ADGRV1: variants seen among roughly 807,000 people sequenced by gnomAD.
The protein encoded by ADGRV1 is G-protein coupled receptor 98.
In ADGRV1, 359 loss-of-function variants were observed where a neutral mutation model predicts 596.2. That is an observed-to-expected ratio of 0.60 (90% CI 0.55 to 0.66). ADGRV1 has a LOEUF of 0.66. ADGRV1 is among the 30% of genes least tolerant of loss of function. ADGRV1 has a pLI of 0.00. For synonymous variants in ADGRV1, 2,681 were observed against 2,679.2 expected, an observed-to-expected ratio of 1.00 and a Z score of -0.02; for missense variants, 7,274 against 7,575.6, an observed-to-expected ratio of 0.96 and a Z score of 1.48.
At chr5:91,146,327 T>C (rs1265341477) in intron 87 of ADGRV1, among the ~76,000 whole-genome samples, 1 of 152,180 alleles carries the variant, frequency 6.6e-6, no homozygotes, top group East Asian at 1.9e-4. Flanking sequence ...AGATCCTTTG[T>C]AGAGACCATG....
chr5:90,633,590 T>A (rs896513410), intron 9 of ADGRV1, among the ~76,000 whole-genome samples: 1 of 151,948 alleles, frequency 6.6e-6, no homozygotes, highest in Non-Finnish European at 1.5e-5. Context: ...TTTATTTAAC[T>A]TTGTGCTATT....
chr5:90,976,300 G>A (rs57063936), intron 84 of ADGRV1, among the ~76,000 whole-genome samples: 30,178 of 85,342 alleles, frequency 0.35, 4,533 homozygotes, highest in African/African-American at 0.55. Context: ...GTGTGTATAT[G>A]TGTGTGTGTG....
intron 89 of ADGRV1, among the ~76,000 whole-genome samples, chr5:91,158,849 GTGGA>G (rs35809247): frequency 0.67 from 98,444 of 145,994 alleles, 34,377 homozygotes; most frequent in Admixed American, 0.78. Context: ...ACATGGATGG[GTGGA>G]TGGATGGATG....
intron 17 of ADGRV1, among the ~76,000 whole-genome samples, chr5:90,648,583 C>G (rs1007768032): frequency 1.3e-5 from 2 of 152,150 alleles, no homozygotes; most frequent in Non-Finnish European, 2.9e-5. Flanking sequence ...CACCTTGTGC[C>G]TTTTGGACTG....
intron 85 of ADGRV1, among the ~76,000 whole-genome samples, chr5:91,034,369 C>G (rs543567168): frequency 1.3e-5 from 2 of 152,130 alleles, no homozygotes; most frequent in Non-Finnish European, 2.9e-5. Flanking sequence ...AACAAAGTTT[C>G]CTTAAAATTT....
intron 86 of ADGRV1, among the ~76,000 whole-genome samples, chr5:91,096,388 A>T (rs1279979264): frequency 6.6e-6 from 1 of 152,198 alleles, no homozygotes; most frequent in African/African-American, 2.4e-5. Flanking sequence ...AAATAAAGAG[A>T]TGTGATGTAA....
rs1400485108 is a variant in ADGRV1 at position 91,061,713 on chromosome 5, C to T, written c.18153-10734C>T. Among the ~76,000 whole-genome samples, 5 of 152,244 alleles carry T rather than the reference C, an allele frequency of 3.3e-5. No homozygotes were observed. The East Asian group carries it at 9.7e-4, about 29-fold the overall frequency. ...CATTTTAAGCACTTAAAAATGAGCCCAATTCTTGTTCCTTGGTCCTTTGGC... is the reference window on the plus strand; with the variant it reads ...CATTTTAAGCACTTAAAAATGAGCCTAATTCTTGTTCCTTGGTCCTTTGGC... On this transcript the variant is annotated intron_variant, in intron 85 of 89. Coordinates refer to ENST00000405460, the MANE Select transcript of ADGRV1 (RefSeq NM_032119.4).
chr5:91,010,829 G>A (rs1782664210), intron 85 of ADGRV1, among the ~76,000 whole-genome samples: 1 of 151,738 alleles, frequency 6.6e-6, no homozygotes, highest in African/African-American at 2.4e-5. Flanking sequence ...TATTTTCTTA[G>A]TGCTGTGTGC....
chr5:90,727,892 A>G (rs186415321), intron 48 of ADGRV1, among the ~76,000 whole-genome samples: 1 of 152,260 alleles, frequency 6.6e-6, no homozygotes, highest in Non-Finnish European at 1.5e-5. Flanking sequence ...GTTCCTTCTA[A>G]CTTGATTTCC....
rs530890253 is a variant in ADGRV1, at chr5:90,595,875, C to T, written c.23-18960C>T. Among the ~76,000 whole-genome samples the T allele has an allele frequency of 2.2e-3, 328 of 149,940 alleles. 3 individuals are homozygous for T. Among genetic ancestry groups the T allele is most frequent in the African/African-American group, 7.8e-3 (315 of 40,590 alleles). ...CCTCCCTCCCGGACGGGGCGGCTGG[C>T]CTGGCGGGGGGCTGACCCCCCCCAC... is the stretch of plus-strand genomic sequence containing the variant. On this transcript the variant is annotated intron_variant, in intron 1 of 89. Transcript: ENST00000405460.
chr5:90,656,174 T>C (rs1339652819), intron 20 of ADGRV1, among the ~76,000 whole-genome samples: 1 of 152,202 alleles, frequency 6.6e-6, no homozygotes, highest in African/African-American at 2.4e-5. Flanking sequence ...CCCAGAGAAT[T>C]AGTCATAGAA....
intron 1 of ADGRV1, among the ~76,000 whole-genome samples, chr5:90,562,067 G>A (rs893318076): frequency 3.9e-5 from 6 of 152,166 alleles, no homozygotes; most frequent in African/African-American, 1.4e-4. Context: ...GCCAGCCAGA[G>A]AGGTCTTTCT....
intron 83 of ADGRV1, among the ~76,000 whole-genome samples, chr5:90,922,118 A>G (rs1773937178): frequency 6.6e-6 from 1 of 152,200 alleles, no homozygotes; most frequent in Non-Finnish European, 1.5e-5. Context: ...TGCCACACAT[A>G]GGTTCATAAA....
intron 70 of ADGRV1, among the ~76,000 whole-genome samples, chr5:90,796,995 C>T (rs995984735): frequency 2.6e-5 from 4 of 151,992 alleles, no homozygotes; most frequent in Non-Finnish European, 4.4e-5. Context: ...AAAGTAAAAC[C>T]GGTACCAGCC....
chr5:90,757,284 A>T, intron 57 of ADGRV1, 123 bp downstream of exon 57: 1 of 681,262 alleles, frequency 1.5e-6, no homozygotes, highest in East Asian at 2.8e-5. Context: ...TTCTATGTTA[A>T]GTCAAACAAA....
chr5:90,804,665 A>G (rs1478075479), intron 71 of ADGRV1, among the ~76,000 whole-genome samples: 3 of 152,216 alleles, frequency 2.0e-5, no homozygotes, highest in Non-Finnish European at 2.9e-5. Flanking sequence ...CAAAATGTGA[A>G]GCCAGGAATC....
chr5:90,681,649 T>G (rs1468892225), intron 27 of ADGRV1, among the ~76,000 whole-genome samples, 195 bp downstream of exon 27: 1 of 152,084 alleles, frequency 6.6e-6, no homozygotes, highest in East Asian at 1.9e-4. Context: ...GCACATGGAG[T>G]CATTGTTTAA....
Position 90,690,810 on chromosome 5 carries a change from T to C in ADGRV1, c.6720T>C (p.Thr2240=). 1 of 1,595,534 alleles carries C rather than the reference T, an allele frequency of 6.3e-7. No individual in the cohort carries two copies. Among genetic ancestry groups the C allele is most frequent in the Non-Finnish European group, 8.5e-7 (1 of 1,169,796 alleles). The change falls in exon 31 of 90, where the codon ACT becomes ACC. Residue 2240 remains threonine (T), a synonymous_variant. Transcript: ENST00000405460. ...TCTACCCTTCAGGTTTTCAGATTACTAAACTTATTGTAGAGGAACCTGAGT... is the reference window on the plus strand; with the variant it reads ...TCTACCCTTCAGGTTTTCAGATTACCAAACTTATTGTAGAGGAACCTGAGT... ...DPYGLFGFQI[T]KLIVEEPEFN... is the part of the protein sequence containing the mutation.
intron 76 of ADGRV1, among the ~76,000 whole-genome samples, chr5:90,824,049 A>T (rs1259335767): frequency 3.9e-5 from 6 of 152,246 alleles, no homozygotes; most frequent in South Asian, 2.1e-4. Context: ...TTAATAAAAT[A>T]TTAAGTATAT....
Sources: allele counts gnomAD v4.1 joint callset (sites outside exome capture counted in the v4.1 genomes callset), GRCh38; gene constraint gnomAD v4.1.1; transcripts MANE v1.5; gene names NCBI Gene and HGNC (gene_info 2026-07-23, HGNC 2026-07-21).